Variants in TGFBRAP1 observed in about 807,000 individuals in gnomAD.
TGFBRAP1 encodes the protein transforming growth factor beta receptor associated protein 1.
In TGFBRAP1, 20 loss-of-function variants were observed where a neutral mutation model predicts 83.2. The ratio of observed to expected loss-of-function variants is 0.24; its 90% CI spans 0.17 to 0.35. TGFBRAP1 has a LOEUF of 0.35. Ranked by LOEUF, TGFBRAP1 falls within the 10% of genes least tolerant of loss-of-function variation. TGFBRAP1 has a pLI of 1.00. For synonymous variants in TGFBRAP1, 415 were observed against 459.8 expected (o/e 0.90, Z 1.25); for missense variants, 950 against 1,099.4 (o/e 0.86, Z 1.92).
At position 105,265,647 on chromosome 2, in the gene TGFBRAP1, G is replaced by A. The variant is rs1395027631; in HGVS notation, c.*1736C>T. 1 of 152,622 alleles carries A rather than the reference G, an allele frequency of 6.6e-6. No individual in the cohort carries two copies. Among genetic ancestry groups the A allele is most frequent in the Non-Finnish European group, 1.5e-5 (1 of 68,062 alleles). The allele number at this position is 152,622 out of a possible 1,614,324, so 9.5% of individuals were successfully genotyped here. A position where few individuals can be genotyped will look rare whatever the true frequency, so the allele number is the denominator to read the frequency against. ...GCAGTAATATGACCATTCTACAACA[G>A]AGTCACCCACAGGTAAAACACATGA... On this transcript the variant is annotated 3_prime_UTR_variant, in exon 12 of 12. Transcript: ENST00000393359.
intron 4 of TGFBRAP1, among the ~76,000 whole-genome samples, chr2:105,286,371 C>A (rs149361238): frequency 5.5e-4 from 83 of 152,276 alleles, no homozygotes; most frequent in African/African-American, 2.0e-3. Context: ...CTGAAGGTGA[C>A]GGTCTCATTT....
At chr2:105,276,844 CT>C (rs1677367598) in intron 7 of TGFBRAP1, among the ~76,000 whole-genome samples, 2 of 152,198 alleles carry the variant, frequency 1.3e-5, no homozygotes, top group Admixed American at 1.3e-4. Context: ...CAATCAAACA[CT>C]AAATACATGT....
chr2:105,317,582 A>G (rs551573358), intron 1 of TGFBRAP1, among the ~76,000 whole-genome samples: 1 of 152,366 alleles, frequency 6.6e-6, no homozygotes, highest in Admixed American at 6.5e-5. Flanking sequence ...TTCTTAGGGT[A>G]AGGGAGAAGT....
Position 105,280,280 on chromosome 2 carries a change from C to T in TGFBRAP1, c.1463+102G>A, listed in dbSNP as rs183130320. On this transcript the variant is annotated intron_variant, in intron 6 of 11. Transcript: ENST00000393359. Reference sequence around the variant, plus strand: ...ACCTATAGGTACTTGGGAACATAAACATCACACTGGCTAAGTCACTTCACG... The same window carrying T: ...ACCTATAGGTACTTGGGAACATAAATATCACACTGGCTAAGTCACTTCACG... 4 of 1,269,834 alleles carry T rather than the reference C, an allele frequency of 3.2e-6. No homozygotes were observed. In the East Asian group the frequency reaches 7.4e-5, roughly 24 times the overall value. 78.7% of individuals were successfully genotyped at this position (1,269,834 alleles called of 1,614,324 possible).
At chr2:105,305,846 G>C (rs1386499766) in intron 2 of TGFBRAP1, among the ~76,000 whole-genome samples, 1 of 151,828 alleles carries the variant, frequency 6.6e-6, no homozygotes, top group African/African-American at 2.4e-5. Flanking sequence ...AGTAGAGATA[G>C]GGTTTCACCT....
At chr2:105,254,743 T>C in the TGFBRAP1 span, among the ~76,000 whole-genome samples, 79 of 152,260 alleles carry the variant, frequency 5.2e-4, 1 homozygote, top group South Asian at 5.8e-3. Flanking sequence ...CAAATTCATA[T>C]GTTGAAATCC....
rs1676965727 is a variant in TGFBRAP1 at position 105,267,101 on chromosome 2, C to G, written c.*282G>C. ...TTTTTTTTTCAAAGTAGACCTCTGT[C>G]TTGGATTACTATGTACCTGGACAGG... On this transcript the variant is annotated 3_prime_UTR_variant, in exon 12 of 12. Coordinates refer to ENST00000393359, the MANE Select transcript of TGFBRAP1 (RefSeq NM_004257.6). The G allele has an allele frequency of 1.5e-5, 4 of 275,806 alleles. No homozygotes were observed. Among genetic ancestry groups the G allele is most frequent in the Non-Finnish European group, 2.7e-5 (4 of 147,632 alleles). 17.1% of individuals were successfully genotyped at this position (275,806 alleles called of 1,614,324 possible).
At chr2:105,251,537 G>A in the TGFBRAP1 span, among the ~76,000 whole-genome samples, 4 of 144,034 alleles carry the variant, frequency 2.8e-5, no homozygotes, top group African/African-American at 5.2e-5. Context: ...TCAGCCCCCC[G>A]CCTGGCCAGC....
intron 4 of TGFBRAP1, among the ~76,000 whole-genome samples, chr2:105,289,110 G>T (rs1194441517): frequency 6.6e-6 from 1 of 152,086 alleles, no homozygotes; most frequent in Non-Finnish European, 1.5e-5. Flanking sequence ...AGCACAAAAG[G>T]TGGTCAATTC....
downstream of TGFBRAP1, among the ~76,000 whole-genome samples, chr2:105,263,002 T>C (rs1676826054): frequency 6.6e-6 from 1 of 152,214 alleles, no homozygotes; most frequent in South Asian, 2.1e-4. Flanking sequence ...GGGTGTTAGT[T>C]AATATCTAAT....
At chr2:105,262,452 C>T (rs1445932191), downstream of TGFBRAP1, among the ~76,000 whole-genome samples, 1 of 152,164 alleles carries the variant, frequency 6.6e-6, no homozygotes, top group Non-Finnish European at 1.5e-5. Flanking sequence ...GAGGCCTTCC[C>T]AGAAGCAGAT....
downstream of TGFBRAP1, among the ~76,000 whole-genome samples, chr2:105,262,501 A>G (rs1242689535): frequency 6.6e-6 from 1 of 152,184 alleles, no homozygotes; most frequent in African/African-American, 2.4e-5. Context: ...TAGAACAATG[A>G]GCCAAACAAA....
intron 4 of TGFBRAP1, among the ~76,000 whole-genome samples, chr2:105,292,352 G>A (rs1677942969): frequency 6.6e-6 from 1 of 152,184 alleles, no homozygotes; most frequent in Non-Finnish European, 1.5e-5. Flanking sequence ...GCTGGGAATT[G>A]AGGGCTATTC....
chr2:105,284,019 G>A (rs182856453), intron 5 of TGFBRAP1, among the ~76,000 whole-genome samples: 5 of 152,218 alleles, frequency 3.3e-5, no homozygotes, highest in African/African-American at 4.8e-5. Flanking sequence ...TATCAGATCC[G>A]CTCTTTAGAA....
In TGFBRAP1 at chr2:105,312,108, C is replaced by T. The variant is rs187746441; in HGVS notation, c.-17-3790G>A. 4.3e-3 allele frequency among the ~76,000 whole-genome samples: 648 copies of T among 152,002 alleles called. 4 individuals are homozygous for T. Among genetic ancestry groups the T allele is most frequent in the South Asian group, 0.022 (104 of 4,812 alleles). On this transcript the variant is annotated intron_variant, in intron 1 of 11. Coordinates refer to ENST00000393359, the MANE Select transcript of TGFBRAP1 (RefSeq NM_004257.6). The stretch of plus-strand genomic sequence containing the variant: ...AACATGGTAATGTTTCAAAAGGAAA[C>T]GTTTCTCTAAGGTGTAAAATTCATA...
At chr2:105,254,822 C>A in the TGFBRAP1 span, among the ~76,000 whole-genome samples, 10 of 152,080 alleles carry the variant, frequency 6.6e-5, no homozygotes, top group African/African-American at 2.2e-4. Flanking sequence ...GGGTGAGGCC[C>A]CCATGATGAA....
At chr2:105,293,332 T>C (rs1374032616) in intron 4 of TGFBRAP1, among the ~76,000 whole-genome samples, 1 of 152,250 alleles carries the variant, frequency 6.6e-6, no homozygotes, top group Non-Finnish European at 1.5e-5. Flanking sequence ...TACAGCATTC[T>C]AAACTGTAAT....
intron 1 of TGFBRAP1, among the ~76,000 whole-genome samples, chr2:105,310,343 C>T (rs1324812055): frequency 1.3e-5 from 2 of 152,152 alleles, no homozygotes; most frequent in Non-Finnish European, 2.9e-5. Context: ...CCAAGCTGGG[C>T]ACCAAGAGAT....
chr2:105,252,770 T>TTTTTA, the TGFBRAP1 span, among the ~76,000 whole-genome samples: 2 of 149,884 alleles, frequency 1.3e-5, no homozygotes, highest in African/African-American at 4.9e-5. Flanking sequence ...TTTTTTTTTT[T>TTTTTA]GAGACAGAGT....
Sources: gnomAD v4.1 joint callset for allele counts (sites outside exome capture counted in the v4.1 genomes callset) on GRCh38, gnomAD v4.1.1 for gene constraint, MANE v1.5 for transcripts, NCBI Gene and HGNC (gene_info 2026-07-23, HGNC 2026-07-21) for gene names.